The following GRIP1 variants were observed in gnomAD, a reference collection of about 807,000 sequenced individuals.
The protein encoded by GRIP1 is glutamate receptor-interacting protein 1.
GRIP1 carries 45 observed loss-of-function variants against 129.9 expected under a neutral mutation model. That is an observed-to-expected ratio of 0.35 (90% CI 0.27 to 0.44). The LOEUF is 0.44. GRIP1 is among the 20% of genes least tolerant of loss of function. The probability of loss-of-function intolerance (pLI) is 1.00; values close to 1 mark genes in which losing one functional copy is unlikely to be tolerated. For missense variants in GRIP1, 1,196 were observed against 1,396.8 expected (o/e 0.86, Z 2.29); for synonymous variants, 530 against 520.8 (o/e 1.02, Z -0.24).
intron 1 of GRIP1, among the ~76,000 whole-genome samples, chr12:66,696,718 T>C (rs1167920909): frequency 1.4e-5 from 2 of 143,900 alleles, no homozygotes; most frequent in Non-Finnish European, 3.0e-5. Flanking sequence ...GGCAGGAGAA[T>C]GGCGTGAACC....
chr12:66,455,258 C>T (rs900622137), intron 11 of GRIP1, 151 bp downstream of exon 11: 14 of 757,532 alleles, frequency 1.8e-5, no homozygotes, highest in East Asian at 7.4e-5. Context: ...ATCGTGTCAA[C>T]GGTCTTTGGC....
intron 2 of GRIP1, among the ~76,000 whole-genome samples, chr12:66,552,408 A>G (rs2062172479): frequency 6.6e-6 from 1 of 151,990 alleles, no homozygotes; most frequent in African/African-American, 2.4e-5. Flanking sequence ...CTTTTAAAGC[A>G]GTTTATACTT....
intron 1 of GRIP1, among the ~76,000 whole-genome samples, chr12:66,818,828 A>AC (rs2039270216): frequency 1.3e-5 from 2 of 152,000 alleles, no homozygotes; most frequent in South Asian, 4.2e-4. Flanking sequence ...AATAACATGG[A>AC]CCCCCAGGGG....
intron 1 of GRIP1, among the ~76,000 whole-genome samples, chr12:67,046,870 A>G (rs2043262021): frequency 1.3e-5 from 2 of 152,190 alleles, no homozygotes; most frequent in Non-Finnish European, 2.9e-5. Flanking sequence ...GGAAAACGGA[A>G]AAAAGCACTA....
At chr12:66,401,579 C>CAA (rs576589514) in intron 16 of GRIP1, among the ~76,000 whole-genome samples, 2 of 63,858 alleles carry the variant, frequency 3.1e-5, no homozygotes, top group African/African-American at 6.1e-5. Flanking sequence ...AATTCCGTCT[C>CAA]AAAAAAAAAA....
chr12:67,063,259 T>A (rs1016323292), intron 1 of GRIP1, among the ~76,000 whole-genome samples: 2 of 152,206 alleles, frequency 1.3e-5, no homozygotes, highest in African/African-American at 4.8e-5. Context: ...ACACAGACCA[T>A]ATCTTCTTTA....
intron 2 of GRIP1, among the ~76,000 whole-genome samples, chr12:66,577,545 G>C (rs2063183745): frequency 6.6e-6 from 1 of 152,122 alleles, no homozygotes; most frequent in Non-Finnish European, 1.5e-5. Context: ...TTATAATATT[G>C]ATGAGATCCT....
At chr12:66,928,776 T>C (rs1325292178) in intron 1 of GRIP1, among the ~76,000 whole-genome samples, 1 of 152,240 alleles carries the variant, frequency 6.6e-6, no homozygotes, top group African/African-American at 2.4e-5. Flanking sequence ...GGAATTTGTA[T>C]TCTAGTGCAG....
intron 1 of GRIP1, among the ~76,000 whole-genome samples, chr12:66,716,793 G>A (rs1276736858): frequency 6.6e-6 from 1 of 152,034 alleles, no homozygotes; most frequent in Non-Finnish European, 1.5e-5. Flanking sequence ...CGAGGTGGCA[G>A]GTGGGAGGCT....
At chr12:66,875,047 T>G (rs1338745128) in intron 1 of GRIP1, among the ~76,000 whole-genome samples, 2 of 152,070 alleles carry the variant, frequency 1.3e-5, no homozygotes, top group African/African-American at 4.8e-5. Flanking sequence ...ATGTTTTATA[T>G]TTTCTTCACC....
intron 14 of GRIP1, among the ~76,000 whole-genome samples, chr12:66,424,082 C>T (rs2057900543): frequency 6.6e-6 from 1 of 152,088 alleles, no homozygotes; most frequent in Non-Finnish European, 1.5e-5. Context: ...TTTGTTGTTA[C>T]TAGATTTGCA....
At chr12:67,018,012 C>T (rs1208456641) in intron 1 of GRIP1, among the ~76,000 whole-genome samples, 1 of 152,162 alleles carries the variant, frequency 6.6e-6, no homozygotes, top group East Asian at 1.9e-4. Flanking sequence ...CAACAGATAC[C>T]TGAAATACTG....
At chr12:66,821,556 A>C (rs1319763807) in intron 1 of GRIP1, among the ~76,000 whole-genome samples, 1 of 152,052 alleles carries the variant, frequency 6.6e-6, no homozygotes, top group East Asian at 1.9e-4. Flanking sequence ...CTGCAAAGAT[A>C]AAAAAAAGTC....
intron 13 of GRIP1, among the ~76,000 whole-genome samples, chr12:66,437,588 C>G (rs2058348807): frequency 6.6e-6 from 1 of 152,196 alleles, no homozygotes; most frequent in Non-Finnish European, 1.5e-5. Flanking sequence ...TTAACAGACA[C>G]AGTTCCTATT....
rs987767519 is a variant in GRIP1 at position 66,440,795 on chromosome 12, CTCT to C, written c.1687+3786_1687+3788del. Reference sequence around the variant, plus strand: ...CTTTGAGTCTCTCACTATCTGTTGTCTCTTCTTCTTTCTCTACAGCTAAATTTC... The same window carrying C: ...CTTTGAGTCTCTCACTATCTGTTGTCTCTTCTTTCTCTACAGCTAAATTTC... On this transcript the variant is annotated intron_variant, in intron 13 of 24. Transcript: ENST00000359742. 7.2e-5 allele frequency among the ~76,000 whole-genome samples: 11 copies of C among 152,266 alleles called. No homozygotes were observed. In the East Asian group the frequency reaches 1.9e-3, roughly 27 times the overall value.
At chr12:66,970,831 T>C (rs1049921992) in intron 1 of GRIP1, among the ~76,000 whole-genome samples, 1 of 152,204 alleles carries the variant, frequency 6.6e-6, no homozygotes, top group Non-Finnish European at 1.5e-5. Context: ...TAGAGGTGCC[T>C]CGAGTCAGAG....
At chr12:67,037,682 TC>T (rs2043119067) in intron 1 of GRIP1, among the ~76,000 whole-genome samples, 1 of 152,142 alleles carries the variant, frequency 6.6e-6, no homozygotes, top group Non-Finnish European at 1.5e-5. Context: ...AAGGACTAAA[TC>T]TAAGTCCTAA....
chr12:66,728,274 G>A (rs1326814298), intron 1 of GRIP1, among the ~76,000 whole-genome samples: 1 of 152,186 alleles, frequency 6.6e-6, no homozygotes, highest in East Asian at 1.9e-4. Context: ...AAACACAGTA[G>A]GATTTCTTGT....
At chr12:66,928,010 G>A (rs865872718) in intron 1 of GRIP1, among the ~76,000 whole-genome samples, 1 of 152,184 alleles carries the variant, frequency 6.6e-6, no homozygotes, top group African/African-American at 2.4e-5. Context: ...GACCAGAGTG[G>A]AAGCCAATTT....
Sources: gnomAD v4.1 joint callset for allele counts (sites outside exome capture counted in the v4.1 genomes callset) on GRCh38, gnomAD v4.1.1 for gene constraint, MANE v1.5 for transcripts, NCBI Gene and HGNC (gene_info 2026-07-23, HGNC 2026-07-21) for gene names.